The following DCDC1 variants were observed in gnomAD, a reference collection of about 807,000 sequenced individuals.
DCDC1 encodes the protein doublecortin domain-containing protein 1.
A neutral mutation model predicts 178.3 loss-of-function variants in DCDC1; 200 were observed. The observed-to-expected ratio is 1.12, with a 90% CI of 1.00 to 1.26. DCDC1 has a LOEUF of 1.26. DCDC1 is among the 50% of genes most tolerant of loss of function. The probability of loss-of-function intolerance (pLI) is 0.00; values close to 1 mark genes in which losing one functional copy is unlikely to be tolerated. For missense variants in DCDC1, 1,983 were observed against 1,749.2 expected, an observed-to-expected ratio of 1.13 and a Z score of -2.38; for synonymous variants, 690 against 604.8, an observed-to-expected ratio of 1.14 and a Z score of -2.07.
rs1565030383 is a variant in DCDC1, at chr11:30,888,146, G to GAAAGAAAGAAAGAAAGAAAGAA, written c.5082+4671_5082+4672insTTCTTTCTTTCTTTCTTTCTTT. On this transcript the variant is annotated intron_variant, in intron 36 of 38. Transcript: ENST00000684477. ...AGAAAGAAAGAAAGAAAGAAAGAAA[G>GAAAGAAAGAAAGAAAGAAAGAA]AAAGAAAGAAAGAAAGGGAAAGAAA... Among the ~76,000 whole-genome samples the GAAAGAAAGAAAGAAAGAAAGAA allele has an allele frequency of 9.4e-5, 13 of 138,234 alleles. No homozygotes were observed. In the East Asian group the frequency reaches 2.0e-3, roughly 22 times the overall value. The allele number at this position is 138,234 out of a possible 152,430, so 90.7% of individuals were successfully genotyped here. A position where few individuals can be genotyped will look rare whatever the true frequency, so the allele number is the denominator to read the frequency against.
At position 30,915,607 on chromosome 11, in the gene DCDC1, AC is replaced by A. The variant is rs766086676; in HGVS notation, c.3556del (p.Val1186PhefsTer38). On this transcript the variant is annotated frameshift_variant, in exon 27 of 39. Coordinates refer to ENST00000684477, the MANE Select transcript of DCDC1 (RefSeq NM_001387274.1). LOFTEE classifies it high-confidence loss of function. ...SHAAPQLVLG[V>X]QGPNLRSGME... ...GCCTGATCGGAGATTGGGACCTTGA[AC>A]CCCCAAGACTAGCTGAGGAGCAGCA... 6.2e-7 allele frequency: 1 copy of A among 1,613,720 alleles called. No homozygotes were observed. Among genetic ancestry groups the A allele is most frequent in the East Asian group, 2.2e-5 (1 of 44,866 alleles).
At chr11:30,927,410 AAAG>A (rs1010238398) in intron 22 of DCDC1, among the ~76,000 whole-genome samples, 4 of 152,184 alleles carry the variant, frequency 2.6e-5, no homozygotes, top group Admixed American at 1.3e-4. Context: ...AGAAAAAAGA[AAAG>A]AAGAAGAAAG....
chr11:31,265,091 G>A (rs888130687), intron 8 of DCDC1, among the ~76,000 whole-genome samples: 2 of 151,998 alleles, frequency 1.3e-5, no homozygotes, highest in African/African-American at 2.4e-5. Flanking sequence ...ATTTAGTTTG[G>A]TATGTTTGTT....
chr11:30,885,285 A>T (rs562386878), intron 36 of DCDC1, among the ~76,000 whole-genome samples: 1 of 151,994 alleles, frequency 6.6e-6, no homozygotes, highest in South Asian at 2.1e-4. Context: ...ACTGCAAAAA[A>T]ATTAGATGAA....
At chr11:31,010,584 T>C (rs1157045829) in intron 20 of DCDC1, among the ~76,000 whole-genome samples, 1 of 152,140 alleles carries the variant, frequency 6.6e-6, no homozygotes, top group Non-Finnish European at 1.5e-5. Flanking sequence ...TTTCTATTTG[T>C]TGGAAGCAAG....
intron 36 of DCDC1, among the ~76,000 whole-genome samples, chr11:30,888,307 G>T (rs1355551460): frequency 6.6e-6 from 1 of 152,140 alleles, no homozygotes; most frequent in African/African-American, 2.4e-5. Context: ...GAAATGTAAT[G>T]CCCAAGTCAC....
rs902823742 is a variant in DCDC1, at chr11:30,931,909, G to T, written c.2759C>A (p.Pro920His). 5 of 1,612,402 alleles carry T rather than the reference G, an allele frequency of 3.1e-6. No homozygotes were observed. Among genetic ancestry groups the T allele is most frequent in the Non-Finnish European group, 4.2e-6 (5 of 1,179,126 alleles). Reference protein sequence around the residue: ...PIQGLLVPSSPPMKKPICKTT... With the variant: ...PIQGLLVPSSHPMKKPICKTT... The stretch of plus-strand genomic sequence containing the variant: ...CTTACAGATGGGTTTCTTCATGGGA[G>T]GACTGCTCGGAACAAGCAGTCCTTG... Residue 920 changes from proline (P) to histidine (H), a missense_variant, in exon 22 of 39, where the codon CCT becomes CAT. Physicochemically the swap from Pro to His is moderately conservative, Grantham distance 77. Coordinates refer to ENST00000684477, the MANE Select transcript of DCDC1 (RefSeq NM_001387274.1).
chr11:31,329,195 C>A (rs533832793), intron 2 of DCDC1, among the ~76,000 whole-genome samples: 1 of 152,010 alleles, frequency 6.6e-6, no homozygotes, highest in South Asian at 2.1e-4. Flanking sequence ...AAGAAAAATG[C>A]AAACCTTCCC....
chr11:31,288,860 T>C (rs1297179144), intron 7 of DCDC1, among the ~76,000 whole-genome samples: 1 of 151,860 alleles, frequency 6.6e-6, no homozygotes. Context: ...TAGCAAGCCT[T>C]ATTTTTCCCT....
chr11:31,276,748 A>G (rs1486817865), intron 7 of DCDC1, among the ~76,000 whole-genome samples: 1 of 152,128 alleles, frequency 6.6e-6, no homozygotes, highest in African/African-American at 2.4e-5. Flanking sequence ...CATAAAGGTA[A>G]GTGAAAGAAT....
At chr11:30,975,229 A>G (rs888843739) in intron 20 of DCDC1, among the ~76,000 whole-genome samples, 1 of 152,142 alleles carries the variant, frequency 6.6e-6, no homozygotes, top group African/African-American at 2.4e-5. Context: ...ACCTCAACAT[A>G]ATAAAGGCAA....
At chr11:31,160,753 T>C (rs1174569795) in intron 9 of DCDC1, among the ~76,000 whole-genome samples, 1 of 152,158 alleles carries the variant, frequency 6.6e-6, no homozygotes, top group African/African-American at 2.4e-5. Context: ...TTTAAAAAGT[T>C]ACAAATATTG....
In DCDC1 at chr11:31,245,790, A is replaced by T. The variant is rs529959678; in HGVS notation, c.1055-4174T>A. Among the ~76,000 whole-genome samples the T allele has an allele frequency of 1.1e-3, 160 of 152,044 alleles. 2 individuals carry two copies. The South Asian group carries it at 0.032, about 31-fold the overall frequency. The stretch of plus-strand genomic sequence containing the variant: ...TAAGGTCAAAATAACTCTTTTAAAT[A>T]AAAAAGGTAATTTCTTCTAAGAACC... On this transcript the variant is annotated intron_variant, in intron 8 of 38. Transcript: ENST00000684477.
At chr11:30,998,465 T>C (rs559796824) in intron 20 of DCDC1, among the ~76,000 whole-genome samples, 9 of 152,164 alleles carry the variant, frequency 5.9e-5, no homozygotes, top group Non-Finnish European at 1.3e-4. Context: ...TAAATATCCA[T>C]CAGTCCATAT....
chr11:31,099,742 CAG>C (rs1958384291), intron 15 of DCDC1, among the ~76,000 whole-genome samples: 2 of 139,392 alleles, frequency 1.4e-5, no homozygotes, highest in Non-Finnish European at 3.1e-5. Flanking sequence ...TTTTTTGAGA[CAG>C]AGTCTCGCTC....
chr11:31,031,039 AT>A (rs910679154), intron 20 of DCDC1, among the ~76,000 whole-genome samples: 1 of 152,174 alleles, frequency 6.6e-6, no homozygotes, highest in African/African-American at 2.4e-5. Context: ...AAGTGTTAGG[AT>A]TACAAATTGT....
At chr11:31,276,162 C>A (rs1945972189) in intron 7 of DCDC1, among the ~76,000 whole-genome samples, 1 of 152,084 alleles carries the variant, frequency 6.6e-6, no homozygotes. Context: ...CAGAAAAATA[C>A]ATTTTTTGGT....
chr11:31,327,612 T>C (rs1949716127), intron 3 of DCDC1, among the ~76,000 whole-genome samples: 1 of 152,204 alleles, frequency 6.6e-6, no homozygotes, highest in Non-Finnish European at 1.5e-5. Flanking sequence ...ATAATTTACA[T>C]TTATTGCATC....
chr11:31,157,043 G>T (rs1329678326), intron 9 of DCDC1, among the ~76,000 whole-genome samples: 1 of 152,026 alleles, frequency 6.6e-6, no homozygotes, highest in Non-Finnish European at 1.5e-5. Context: ...TACCCACTTA[G>T]ATTTTTCAAT....
Sources: gnomAD v4.1 joint callset for allele counts (sites outside exome capture counted in the v4.1 genomes callset) on GRCh38, gnomAD v4.1.1 for gene constraint, MANE v1.5 for transcripts, NCBI Gene and HGNC (gene_info 2026-07-23, HGNC 2026-07-21) for gene names.